The following EPHA7 variants were observed in gnomAD, a reference collection of about 807,000 sequenced individuals.
EPHA7 encodes the protein EPH receptor A7, also known as ephrin type-A receptor 7.
Under a neutral mutation model 112.6 loss-of-function variants are expected in EPHA7, and 25 were observed. That is an observed-to-expected ratio of 0.22 (90% CI 0.16 to 0.31). The LOEUF (loss-of-function observed/expected upper bound fraction) is 0.31, where lower values mean the gene tolerates loss of function less well. Ranked by LOEUF, EPHA7 falls within the 10% of genes least tolerant of loss-of-function variation. The probability of loss-of-function intolerance (pLI) is 1.00; values close to 1 mark genes in which losing one functional copy is unlikely to be tolerated. For missense variants in EPHA7, 962 were observed against 1,212.6 expected (o/e 0.79, Z 3.07); for synonymous variants, 437 against 406.5 (o/e 1.07, Z -0.90).
intron 14 of EPHA7, among the ~76,000 whole-genome samples, chr6:93,250,590 T>C (rs538086435): frequency 3.3e-5 from 5 of 152,226 alleles, no homozygotes; most frequent in South Asian, 2.1e-4. Context: ...CTGTTAAGAA[T>C]GGCATTATTT....
intron 5 of EPHA7, among the ~76,000 whole-genome samples, chr6:93,310,093 C>T (rs1224021521): frequency 6.6e-6 from 1 of 152,068 alleles, no homozygotes; most frequent in Non-Finnish European, 1.5e-5. Context: ...TGTTTTTGAA[C>T]AGTCTTCAAT....
intron 5 of EPHA7, among the ~76,000 whole-genome samples, chr6:93,353,243 C>T (rs1310292163): frequency 6.6e-6 from 1 of 151,828 alleles, no homozygotes; most frequent in African/African-American, 2.4e-5. Flanking sequence ...TGACTTCAGC[C>T]TTAATAGGTC....
At chr6:93,256,610 T>G (rs1441009990) in intron 12 of EPHA7, among the ~76,000 whole-genome samples, 2 of 152,116 alleles carry the variant, frequency 1.3e-5, no homozygotes, top group Non-Finnish European at 2.9e-5. Flanking sequence ...CTAGGACAGA[T>G]GTACTAGCAA....
chr6:93,262,843 A>G (rs990785719), intron 9 of EPHA7, among the ~76,000 whole-genome samples: 4 of 151,496 alleles, frequency 2.6e-5, no homozygotes, highest in African/African-American at 7.2e-5. Flanking sequence ...TTAAAAAAAA[A>G]GTATCACAAA....
Position 93,345,674 on chromosome 6 carries a change from C to T in EPHA7, c.1324+11043G>A, listed in dbSNP as rs183949206. On this transcript the variant is annotated intron_variant, in intron 5 of 16. Transcript: ENST00000369303. ...GTCATAAAAACAGTTAAAATTCAAACAAGTAACAATCATGCTTTAGCAGTT... is the reference window on the plus strand; with the variant it reads ...GTCATAAAAACAGTTAAAATTCAAATAAGTAACAATCATGCTTTAGCAGTT... 8.6e-5 allele frequency among the ~76,000 whole-genome samples: 13 copies of T among 151,844 alleles called. No individual in the cohort carries two copies. In the East Asian group the frequency reaches 2.3e-3, roughly 27 times the overall value.
intron 3 of EPHA7, among the ~76,000 whole-genome samples, chr6:93,389,173 C>A (rs1413240578): frequency 1.3e-5 from 2 of 152,024 alleles, no homozygotes; most frequent in African/African-American, 4.8e-5. Flanking sequence ...CTTAGAATAA[C>A]AATTGTAGCT....
chr6:93,400,019 T>C lies in EPHA7; in HGVS notation c.832+10482A>G, dbSNP rs910655240. 1.8e-4 allele frequency among the ~76,000 whole-genome samples: 28 copies of C among 152,034 alleles called. 1 individual carries two copies. Among genetic ancestry groups the C allele is most frequent in the African/African-American group, 6.8e-4 (28 of 41,436 alleles). ...AGTACAAGAATGCCCAAAGAACTTT[T>C]GTGTTATAAAGAGTGTATCATATCT... On this transcript the variant is annotated intron_variant, in intron 3 of 16. Coordinates refer to ENST00000369303, the MANE Select transcript of EPHA7 (RefSeq NM_004440.4).
intron 3 of EPHA7, among the ~76,000 whole-genome samples, chr6:93,365,063 A>T (rs1372133321): frequency 6.6e-6 from 1 of 152,098 alleles, no homozygotes. Context: ...CCATCTCTCC[A>T]CTTCTCTCCC....
chr6:93,390,211 T>G (rs1349018236), intron 3 of EPHA7, among the ~76,000 whole-genome samples: 1 of 150,266 alleles, frequency 6.7e-6, no homozygotes, highest in Non-Finnish European at 1.5e-5. Context: ...AGGTAACTGG[T>G]CTGGATTCTC....
At chr6:93,367,912 C>G (rs1776595780) in intron 3 of EPHA7, among the ~76,000 whole-genome samples, 1 of 152,062 alleles carries the variant, frequency 6.6e-6, no homozygotes, top group South Asian at 2.1e-4. Flanking sequence ...CCCCAGACAA[C>G]CTCTGAACCA....
chr6:93,245,910 T>C (rs1769924902), intron 15 of EPHA7, among the ~76,000 whole-genome samples: 1 of 152,184 alleles, frequency 6.6e-6, no homozygotes, highest in Non-Finnish European at 1.5e-5. Flanking sequence ...TTACTACCAA[T>C]GTAAACCAGA....
At chr6:93,321,116 C>A (rs1774048848) in intron 5 of EPHA7, among the ~76,000 whole-genome samples, 1 of 151,786 alleles carries the variant, frequency 6.6e-6, no homozygotes, top group African/African-American at 2.4e-5. Context: ...TCTTTTAAAT[C>A]AGTACATCTC....
chr6:93,284,649 T>C (rs1385795827), intron 5 of EPHA7, among the ~76,000 whole-genome samples: 3 of 152,140 alleles, frequency 2.0e-5, no homozygotes, highest in African/African-American at 7.2e-5. Flanking sequence ...ATATACACAA[T>C]GGAATACTAT....
intron 12 of EPHA7, 98 bp from the exon 13 acceptor site, chr6:93,256,135 TATAATAGGAATTGTTA>T: frequency 9.6e-7 from 1 of 1,047,042 alleles, no homozygotes; most frequent in Admixed American, 2.3e-5. Context: ...TTTGCTATTG[TATAATAGGAATTGTTA>T]ATTTTTTATA....
chr6:93,381,392 T>C (rs1173281009), intron 3 of EPHA7, among the ~76,000 whole-genome samples: 3 of 152,222 alleles, frequency 2.0e-5, no homozygotes, highest in Admixed American at 6.5e-5. Context: ...CTCTAAAAGA[T>C]CATATTGTGT....
At chr6:93,290,688 A>G (rs1772313738) in intron 5 of EPHA7, among the ~76,000 whole-genome samples, 1 of 152,218 alleles carries the variant, frequency 6.6e-6, no homozygotes, top group Non-Finnish European at 1.5e-5. Context: ...TATACAAACT[A>G]TAACCAAGGT....
intron 3 of EPHA7, among the ~76,000 whole-genome samples, chr6:93,380,359 G>A (rs181736466): frequency 4.6e-5 from 7 of 152,102 alleles, no homozygotes; most frequent in African/African-American, 1.7e-4. Flanking sequence ...AGCAATATGC[G>A]ACAATAAAAG....
At chr6:93,362,132 A>T (rs940252699) in intron 3 of EPHA7, among the ~76,000 whole-genome samples, 1 of 152,018 alleles carries the variant, frequency 6.6e-6, no homozygotes, top group African/African-American at 2.4e-5. Flanking sequence ...AAATAAGCTC[A>T]TTATCCTAGA....
intron 5 of EPHA7, among the ~76,000 whole-genome samples, chr6:93,309,728 A>G (rs1773435372): frequency 6.6e-6 from 1 of 152,158 alleles, no homozygotes; most frequent in Non-Finnish European, 1.5e-5. Flanking sequence ...TTCTATACTT[A>G]AGATCAACAT....
Sources: gnomAD v4.1 joint callset for allele counts (sites outside exome capture counted in the v4.1 genomes callset) on GRCh38, gnomAD v4.1.1 for gene constraint, MANE v1.5 for transcripts, NCBI Gene and HGNC (gene_info 2026-07-23, HGNC 2026-07-21) for gene names.